KCNAB2: variants seen among roughly 807,000 people sequenced by gnomAD.
KCNAB2 encodes voltage-gated potassium channel subunit beta-2.
Under a neutral mutation model 63.6 loss-of-function variants are expected in KCNAB2, and 29 were observed. That is an observed-to-expected ratio of 0.46 (90% CI 0.34 to 0.62). The LOEUF is 0.62. Ranked by LOEUF, KCNAB2 falls within the 20% of genes least tolerant of loss-of-function variation. KCNAB2 has a pLI of 0.01. For missense variants in KCNAB2, 359 were observed against 563.9 expected, an observed-to-expected ratio of 0.64 and a Z score of 3.68; for synonymous variants, 222 against 224.2, an observed-to-expected ratio of 0.99 and a Z score of 0.09.
intron 1 of KCNAB2, among the ~76,000 whole-genome samples, chr1:6,037,379 TC>T (rs2100432533): frequency 6.6e-6 from 1 of 152,316 alleles, no homozygotes; most frequent in South Asian, 2.1e-4. Flanking sequence ...ACATCCTGCC[TC>T]CCGTGGGCCG....
chr1:6,097,404 G>A, intron 15 of KCNAB2, 47 bp downstream of exon 15: 1 of 1,548,746 alleles, frequency 6.5e-7, no homozygotes, highest in Non-Finnish European at 8.7e-7. Context: ...CCCAGCCCGA[G>A]CCCCGTCCAG....
At position 5,993,340 on chromosome 1, in the gene KCNAB2, G is replaced by A. The variant is rs114625568; in HGVS notation, c.-53+552G>A. ...CCCAGCCCCTCCGACCTCTCCCCGC[G>A]GGCACGCTCTCACCACCTTACCCTG... On this transcript the variant is annotated intron_variant, in intron 1 of 16. Coordinates refer to the KCNAB2 transcript ENST00000341524. Among the ~76,000 whole-genome samples, 560 of 141,516 alleles carry A rather than the reference G, an allele frequency of 4.0e-3. 1 individual carries two copies. The highest frequency in any genetic ancestry group is 6.2e-3 in the Non-Finnish European group (409 of 65,618). The allele number at this position is 141,516 out of a possible 152,430, so 92.8% of individuals were successfully genotyped here. A position where few individuals can be genotyped will look rare whatever the true frequency, so the allele number is the denominator to read the frequency against.
At position 6,099,752 on chromosome 1, in the gene KCNAB2, G is replaced by T. The variant is rs942315469; in HGVS notation, c.*1178G>T. The T allele has an allele frequency of 5.5e-6, 8 of 1,455,966 alleles. No homozygotes were observed. In the African/African-American group the frequency reaches 1.1e-4, roughly 21 times the overall value. The allele number at this position is 1,455,966 out of a possible 1,614,324, so 90.2% of individuals were successfully genotyped here. A position where few individuals can be genotyped will look rare whatever the true frequency, so the allele number is the denominator to read the frequency against. ...CCCACAATGTAGGAAAAGACCTCAGGGAACCTCTCCCTGGAAAGACGGGCA... is the reference window on the plus strand; with the variant it reads ...CCCACAATGTAGGAAAAGACCTCAGTGAACCTCTCCCTGGAAAGACGGGCA... On this transcript the variant is annotated 3_prime_UTR_variant, in exon 16 of 16. Coordinates refer to ENST00000378083, the MANE Select transcript of KCNAB2 (RefSeq NM_001199862.2).
Position 6,099,748 on chromosome 1 carries a change from T to G in KCNAB2, c.*1174T>G, listed in dbSNP as rs1218917365. On this transcript the variant is annotated 3_prime_UTR_variant, in exon 16 of 16. Transcript: ENST00000378083. ...CACCCCCACAATGTAGGAAAAGACC[T>G]CAGGGAACCTCTCCCTGGAAAGACG... 1 of 1,454,190 alleles carries G rather than the reference T, an allele frequency of 6.9e-7. No individual in the cohort carries two copies. The highest frequency in any genetic ancestry group is 9.1e-7 in the Non-Finnish European group (1 of 1,101,976). The allele number at this position is 1,454,190 out of a possible 1,614,324, so 90.1% of individuals were successfully genotyped here.
chr1:6,048,007 A>G (rs1311801015), intron 1 of KCNAB2, among the ~76,000 whole-genome samples: 1 of 152,214 alleles, frequency 6.6e-6, no homozygotes, highest in Non-Finnish European at 1.5e-5. Context: ...GAAAGATTGC[A>G]AGCGGGCCCC....
chr1:5,999,390 AAC>A (rs1367221770), intron 1 of KCNAB2, among the ~76,000 whole-genome samples: 23 of 152,106 alleles, frequency 1.5e-4, no homozygotes, highest in African/African-American at 4.8e-4. Flanking sequence ...TGCTTTGAGA[AAC>A]ACTCCCTAGC....
intron 1 of KCNAB2, among the ~76,000 whole-genome samples, chr1:5,999,918 GC>G (rs1266298263): frequency 1.4e-5 from 2 of 142,136 alleles, no homozygotes; most frequent in African/African-American, 5.4e-5. Context: ...CCCTGTCTGT[GC>G]CCCGTCCGCA....
intron 2 of KCNAB2, among the ~76,000 whole-genome samples, chr1:6,054,523 G>A (rs573857302): frequency 2.6e-5 from 4 of 152,230 alleles, no homozygotes; most frequent in South Asian, 2.1e-4. Context: ...CCAGCTATTC[G>A]GGAGGCTGAG....
At position 6,098,481 on chromosome 1, in the gene KCNAB2, G is replaced by A. The variant is rs764336435; in HGVS notation, c.1159-4G>A. ...TTCTGATTTGTTGTTGTTCTTGCAC[G>A]CAGGTCCTTCCGAAACTGTCATCTT... On this transcript the variant is annotated splice_region_variant and splice_polypyrimidine_tract_variant and intron_variant, in intron 15 of 15. Coordinates refer to ENST00000378083, the MANE Select transcript of KCNAB2 (RefSeq NM_001199862.2). 1.1e-5 allele frequency: 17 copies of A among 1,613,780 alleles called. No individual in the cohort carries two copies. Among genetic ancestry groups the A allele is most frequent in the South Asian group, 5.5e-5 (5 of 91,048 alleles).
At chr1:6,056,352 C>G (rs1334198787) in intron 2 of KCNAB2, among the ~76,000 whole-genome samples, 2 of 152,142 alleles carry the variant, frequency 1.3e-5, no homozygotes, top group Non-Finnish European at 2.9e-5. Flanking sequence ...GCCTACACTT[C>G]CCCATTGTTT....
In KCNAB2 at chr1:6,091,284, A is replaced by G. The variant is rs780663270; in HGVS notation, c.623A>G (p.Lys208Arg). 6.5e-7 allele frequency: 1 copy of G among 1,533,996 alleles called. No individual in the cohort carries two copies. Among genetic ancestry groups the G allele is most frequent in the South Asian group, 1.2e-5 (1 of 84,006 alleles). ...CCAGGGGACCCATTTAGTTCCTCCA[A>G]GTCAAGGACATTCATCATAGAAGGT... is the stretch of plus-strand genomic sequence containing the variant. ...PMEGDPFSSSKSRTFIIEETV... is the reference protein window; with the variant it reads ...PMEGDPFSSSRSRTFIIEETV... The change falls in exon 10 of 16, where the codon AAG becomes AGG. Residue 208 changes from lysine to arginine, a missense_variant. Coordinates refer to ENST00000378083, the MANE Select transcript of KCNAB2 (RefSeq NM_001199862.2).
rs751369406 is a variant in KCNAB2, at chr1:6,086,360, C to T, written c.426-1107C>T. 3.5e-5 allele frequency: 34 copies of T among 985,246 alleles called. No homozygotes were observed. Among genetic ancestry groups the T allele is most frequent in the African/African-American group, 3.3e-4 (19 of 57,196 alleles). The allele number at this position is 985,246 out of a possible 1,614,324, so 61.0% of individuals were successfully genotyped here. A position where few individuals can be genotyped will look rare whatever the true frequency, so the allele number is the denominator to read the frequency against. On this transcript the variant is annotated intron_variant, in intron 6 of 15. Transcript: ENST00000378083. The surrounding 1 kb of genome is among the most constrained non-coding windows in gnomAD (Gnocchi z 4.2). ...CACCCTGTAATTAAACGAAATTGCA[C>T]GTATTAGCAAATCCCCTGATCACGT...
intron 4 of KCNAB2, among the ~76,000 whole-genome samples, chr1:6,075,142 C>T (rs1166962233): frequency 6.6e-6 from 1 of 152,150 alleles, no homozygotes; most frequent in Admixed American, 6.5e-5. Flanking sequence ...ATCAGCCTTG[C>T]CTGACTTGGC....
chr1:6,084,508 T>C (rs1307149147), intron 5 of KCNAB2, among the ~76,000 whole-genome samples: 1 of 152,202 alleles, frequency 6.6e-6, no homozygotes, highest in Non-Finnish European at 1.5e-5. Flanking sequence ...ACTTGATGAA[T>C]AATTTACCTT....
At chr1:6,041,576 T>C (rs1660501408), upstream of KCNAB2, 6 of 532,658 alleles carry the variant, frequency 1.1e-5, no homozygotes, top group East Asian at 1.9e-4. Flanking sequence ...GGGCCTGGCA[T>C]GGAAGGAGCC....
rs999426083 is a variant in KCNAB2 at position 6,071,953 on chromosome 1, C to A, written c.219-802C>A. Among the ~76,000 whole-genome samples, 2 of 152,194 alleles carry A rather than the reference C, an allele frequency of 1.3e-5. No homozygotes were observed. Among genetic ancestry groups the A allele is most frequent in the South Asian group, 4.1e-4 (2 of 4,836 alleles). The stretch of plus-strand genomic sequence containing the variant: ...GACAGGATGCCTGGGGACTGCCTGG[C>A]CTGCTGCAACCCTGCAGGCTCCTAG... On this transcript the variant is annotated intron_variant, in intron 2 of 15. Coordinates refer to ENST00000378083, the MANE Select transcript of KCNAB2 (RefSeq NM_001199862.2). The surrounding 1 kb of genome is among the most constrained non-coding windows in gnomAD (Gnocchi z 8.5).
intron 5 of KCNAB2, among the ~76,000 whole-genome samples, chr1:6,082,578 G>A (rs1664301834): frequency 6.6e-6 from 1 of 152,152 alleles, no homozygotes; most frequent in South Asian, 2.1e-4. Flanking sequence ...GGGCTCTCCT[G>A]ATGTGCCTGA....
intron 1 of KCNAB2, among the ~76,000 whole-genome samples, chr1:6,037,377 C>T (rs1660126953): frequency 6.6e-6 from 1 of 152,242 alleles, no homozygotes; most frequent in Admixed American, 6.5e-5. Context: ...GGACATCCTG[C>T]CTCCCGTGGG....
chr1:6,073,264 C>T lies in KCNAB2; in HGVS notation c.262+466C>T, dbSNP rs983495594. 6.6e-6 allele frequency among the ~76,000 whole-genome samples: 1 copy of T among 151,712 alleles called. No individual in the cohort carries two copies. Among genetic ancestry groups the T allele is most frequent in the African/African-American group, 2.4e-5 (1 of 41,178 alleles). ...TCCCCTCTGCATGCAGTACACACAC[C>T]CCCACACACACACCGCCCACTGCAG... On this transcript the variant is annotated intron_variant, in intron 3 of 15. Coordinates refer to ENST00000378083, the MANE Select transcript of KCNAB2 (RefSeq NM_001199862.2). The surrounding 1 kb of genome is among the most constrained non-coding windows in gnomAD (Gnocchi z 5.7).
Sources: allele counts gnomAD v4.1 joint callset (sites outside exome capture counted in the v4.1 genomes callset), GRCh38; gene constraint gnomAD v4.1.1; non-coding constraint Gnocchi (gnomAD v3.1); transcripts MANE v1.5; gene names NCBI Gene and HGNC (gene_info 2026-07-23, HGNC 2026-07-21).